NPAS3: variants seen among roughly 807,000 people sequenced by gnomAD.
The protein encoded by NPAS3 is neuronal PAS domain-containing protein 3.
NPAS3 carries 14 observed loss-of-function variants against 73.1 expected under a neutral mutation model. That is an observed-to-expected ratio of 0.19 (90% CI 0.13 to 0.30). The LOEUF (loss-of-function observed/expected upper bound fraction) is 0.30, where lower values mean the gene tolerates loss of function less well. NPAS3 is among the 10% of genes least tolerant of loss of function. The pLI is 1.00. For missense variants in NPAS3, 1,096 were observed against 1,250.0 expected, an observed-to-expected ratio of 0.88 and a Z score of 1.86; for synonymous variants, 620 against 541.5, an observed-to-expected ratio of 1.14 and a Z score of -2.01.
At chr14:33,150,305 T>C (rs190631971) in intron 2 of NPAS3, among the ~76,000 whole-genome samples, 152 of 152,342 alleles carry the variant, frequency 1.0e-3, no homozygotes, top group African/African-American at 3.5e-3. Context: ...TTAACTGTCT[T>C]TCAGCACTCA....
At chr14:33,597,569 T>C (rs767618868) in intron 5 of NPAS3, among the ~76,000 whole-genome samples, 2 of 152,256 alleles carry the variant, frequency 1.3e-5, no homozygotes, top group Non-Finnish European at 2.9e-5. Flanking sequence ...GATTGCCATG[T>C]TGATTTTCTT....
intron 2 of NPAS3, among the ~76,000 whole-genome samples, chr14:33,205,355 C>A (rs931884492): frequency 6.6e-6 from 1 of 152,058 alleles, no homozygotes; most frequent in Non-Finnish European, 1.5e-5. Flanking sequence ...CAGTAAATAT[C>A]CTTTTTGGCA....
chr14:33,070,399 G>T (rs961954439), intron 2 of NPAS3, among the ~76,000 whole-genome samples: 1 of 152,064 alleles, frequency 6.6e-6, no homozygotes, highest in African/African-American at 2.4e-5. Flanking sequence ...GACATCTTTA[G>T]TGTCAGAGGT....
chr14:33,485,126 T>A (rs895536017), intron 4 of NPAS3, among the ~76,000 whole-genome samples: 1 of 152,242 alleles, frequency 6.6e-6, no homozygotes, highest in East Asian at 1.9e-4. Flanking sequence ...CATGCTAGCT[T>A]TCTCATGTAT....
At chr14:33,126,060 C>A (rs1240528612) in intron 2 of NPAS3, among the ~76,000 whole-genome samples, 1 of 152,168 alleles carries the variant, frequency 6.6e-6, no homozygotes, top group Non-Finnish European at 1.5e-5. Context: ...CCATAGATAC[C>A]TCACGAGAAA....
intron 3 of NPAS3, among the ~76,000 whole-genome samples, chr14:33,320,294 T>C (rs1271320441): frequency 1.3e-5 from 2 of 152,226 alleles, no homozygotes; most frequent in Middle Eastern, 3.4e-3. Flanking sequence ...TACATTTCTA[T>C]TCAGTAATCA....
intron 2 of NPAS3, among the ~76,000 whole-genome samples, chr14:33,089,584 T>C (rs908701798): frequency 6.6e-6 from 1 of 152,138 alleles, no homozygotes; most frequent in African/African-American, 2.4e-5. Flanking sequence ...TGCAGGATAT[T>C]ATCCAGGAGA....
chr14:33,140,639 C>T lies in NPAS3; in HGVS notation c.141-74543C>T, dbSNP rs771403074. ...TTCAGTTTTGTTTTGCTTTTCCCAT[C>T]GATGCAGGATTATAATTCTTAGCTC... On this transcript the variant is annotated intron_variant, in intron 2 of 11. Transcript: ENST00000356141. Among the ~76,000 whole-genome samples the T allele has an allele frequency of 3.9e-5, 6 of 151,978 alleles. 1 individual carries two copies. Among genetic ancestry groups the T allele is most frequent in the Middle Eastern group, 6.3e-3 (2 of 316 alleles).
At chr14:33,764,785 T>A (rs2140848336) in intron 7 of NPAS3, among the ~76,000 whole-genome samples, 1 of 152,382 alleles carries the variant, frequency 6.6e-6, no homozygotes, top group Non-Finnish European at 1.5e-5. Context: ...AATGGGCCTC[T>A]GTCCTTCTCT....
intron 4 of NPAS3, among the ~76,000 whole-genome samples, chr14:33,411,348 A>T (rs2047918651): frequency 6.6e-6 from 1 of 151,894 alleles, no homozygotes; most frequent in African/African-American, 2.4e-5. Flanking sequence ...ATGCCCAGCT[A>T]ATTTTTGTAT....
chr14:33,789,671 C>T (rs1451079300), intron 9 of NPAS3, among the ~76,000 whole-genome samples: 1 of 141,978 alleles, frequency 7.0e-6, no homozygotes, highest in Non-Finnish European at 1.5e-5. Context: ...TCACTGCAAG[C>T]TCCGCCTCCC....
intron 4 of NPAS3, among the ~76,000 whole-genome samples, chr14:33,474,263 T>C (rs921508308): frequency 2.6e-5 from 4 of 152,186 alleles, no homozygotes; most frequent in Non-Finnish European, 5.9e-5. Context: ...ATTTATGCTG[T>C]AATTAATGAA....
At chr14:33,210,962 G>T (rs1416224517) in intron 2 of NPAS3, among the ~76,000 whole-genome samples, 1 of 152,184 alleles carries the variant, frequency 6.6e-6, no homozygotes, top group Non-Finnish European at 1.5e-5. Context: ...AATTATATTA[G>T]TGAGAAGAGA....
At chr14:33,759,785 C>T (rs1456674613) in intron 7 of NPAS3, among the ~76,000 whole-genome samples, 1 of 152,196 alleles carries the variant, frequency 6.6e-6, no homozygotes, top group East Asian at 1.9e-4. Flanking sequence ...CCACAAAATA[C>T]TTCCAATTGT....
rs555069487 is a variant in NPAS3 at position 33,358,516 on chromosome 14, T to C, written c.386-8670T>C. ...GATCCCAGGGTCCTGGCCATGATAG[T>C]GCACTGTTCACGTAACTTCACTCCA... On this transcript the variant is annotated intron_variant, in intron 3 of 11. Coordinates refer to ENST00000356141, the Ensembl canonical transcript of NPAS3. 5.3e-5 allele frequency among the ~76,000 whole-genome samples: 8 copies of C among 152,304 alleles called. No homozygotes were observed. In the East Asian group the frequency reaches 1.5e-3, roughly 29 times the overall value.
At chr14:33,493,869 G>A (rs2139840296) in intron 4 of NPAS3, among the ~76,000 whole-genome samples, 1 of 152,162 alleles carries the variant, frequency 6.6e-6, no homozygotes, top group African/African-American at 2.4e-5. Flanking sequence ...AAATTATCTA[G>A]GCACATAGTC....
chr14:33,544,869 ATATG>A (rs1306400984), intron 4 of NPAS3, among the ~76,000 whole-genome samples: 3 of 136,570 alleles, frequency 2.2e-5, no homozygotes, highest in Non-Finnish European at 4.6e-5. Flanking sequence ...TATAATATAT[ATATG>A]TATGTATGTA....
Position 33,497,693 on chromosome 14 carries a change from T to C in NPAS3, c.469-62428T>C, listed in dbSNP as rs555947135. Among the ~76,000 whole-genome samples the C allele has an allele frequency of 1.8e-4, 27 of 152,186 alleles. No individual in the cohort carries two copies. In the East Asian group the frequency reaches 1.9e-3, roughly 11 times the overall value. On this transcript the variant is annotated intron_variant, in intron 4 of 11. Coordinates refer to ENST00000356141, the Ensembl canonical transcript of NPAS3. The stretch of plus-strand genomic sequence containing the variant: ...CCTTCCTTACACTTTATACAAAAAT[T>C]AACTCAAGATGGTTTAAAGACTTAA...
intron 2 of NPAS3, among the ~76,000 whole-genome samples, chr14:33,071,500 A>G (rs1460137736): frequency 6.6e-6 from 1 of 152,246 alleles, no homozygotes; most frequent in Non-Finnish European, 1.5e-5. Flanking sequence ...ATTATGTTCA[A>G]TAATTAAGAT....
Sources: allele counts gnomAD v4.1 joint callset (sites outside exome capture counted in the v4.1 genomes callset), GRCh38; gene constraint gnomAD v4.1.1; transcripts MANE v1.5; gene names NCBI Gene and HGNC (gene_info 2026-07-23, HGNC 2026-07-21).